RNPS1: variants seen among roughly 807,000 people sequenced by gnomAD.
RNPS1 encodes the protein RNA-binding protein with serine-rich domain 1.
For missense variants in RNPS1, 300 were observed against 427.6 expected (o/e 0.70, Z 2.63); for synonymous variants, 147 against 150.0 (o/e 0.98, Z 0.15).
At position 2,259,782 on chromosome 16, in the gene RNPS1, G is replaced by A. The variant is rs369895056; in HGVS notation, c.676+2496C>T. ...CCGGTGCCTGCAGTCCCAGCTACTCGAGAGGCTGAGGCAGGAGAATGGTGT... is the reference window on the plus strand; with the variant it reads ...CCGGTGCCTGCAGTCCCAGCTACTCAAGAGGCTGAGGCAGGAGAATGGTGT... On this transcript the variant is annotated intron_variant, in intron 6 of 7. Transcript: ENST00000320225. Among the ~76,000 whole-genome samples, 88 of 152,250 alleles carry A rather than the reference G, an allele frequency of 5.8e-4. 2 individuals are homozygous for A. The South Asian group carries it at 0.016, about 28-fold the overall frequency.
In RNPS1 at chr16:2,264,169, G is replaced by C. The variant is rs375342164; in HGVS notation, c.227+7C>G. The stretch of plus-strand genomic sequence containing the variant: ...TCCTCTCCAGGCTCCAGGCCAGCCC[G>C]CCCCACCTGGTACTGCTGCTACCAC... On this transcript the variant is annotated splice_region_variant and intron_variant, in intron 3 of 7. Transcript: ENST00000320225. 2 of 1,612,466 alleles carry C rather than the reference G, an allele frequency of 1.2e-6. No individual in the cohort carries two copies. Among genetic ancestry groups the C allele is most frequent in the Non-Finnish European group, 1.7e-6 (2 of 1,179,994 alleles).
intron 7 of RNPS1, among the ~76,000 whole-genome samples, chr16:2,254,576 C>A (rs774969092): frequency 1.3e-5 from 2 of 151,850 alleles, no homozygotes; most frequent in Non-Finnish European, 2.9e-5. Flanking sequence ...GGATTACAGG[C>A]GTGAGCCACC....
At chr16:2,266,035 G>T (rs959498077) in intron 1 of RNPS1, 7 of 835,982 alleles carry the variant, frequency 8.4e-6, no homozygotes, top group African/African-American at 3.7e-5. Context: ...AGTATTTCTA[G>T]TAAGGCTCTG....
chr16:2,267,582 C>G (rs903156208), intron 1 of RNPS1: 7 of 1,063,776 alleles, frequency 6.6e-6, no homozygotes, highest in African/African-American at 1.7e-5. Flanking sequence ...GACCTTCCAC[C>G]GCATCCCACA....
chr16:2,267,073 G>C (rs1445436550), intron 1 of RNPS1: 1 of 643,088 alleles, frequency 1.6e-6, no homozygotes, highest in Non-Finnish European at 1.9e-6. Context: ...AACACCACCA[G>C]TTATTCTTAA....
At chr16:2,260,934 T>C (rs921458974) in intron 6 of RNPS1, among the ~76,000 whole-genome samples, 2 of 152,074 alleles carry the variant, frequency 1.3e-5, no homozygotes, top group African/African-American at 4.8e-5. Context: ...ATCCAGACCA[T>C]CCTGGCTAAC....
rs1454068845 is a variant in RNPS1 at position 2,255,716 on chromosome 16, A to G, written c.687T>C (p.Asp229=). The change falls in exon 7 of 8, where the codon GAT becomes GAC. Residue 229 remains aspartate, a synonymous_variant. Transcript: ENST00000320225. The part of the protein sequence containing the change: ...ALKHMDGGQI[D]GQEITATAVL... Reference sequence around the variant, plus strand: ...CGGCGGTGGCAGTGATCTCCTGGCCATCAATTTGTCCTGTTGAAAAAGACA... The same window carrying G: ...CGGCGGTGGCAGTGATCTCCTGGCCGTCAATTTGTCCTGTTGAAAAAGACA... 1 of 1,613,838 alleles carries G rather than the reference A, an allele frequency of 6.2e-7. No homozygotes were observed. The highest frequency in any genetic ancestry group is 8.5e-7 in the Non-Finnish European group (1 of 1,179,998).
intron 7 of RNPS1, among the ~76,000 whole-genome samples, chr16:2,254,743 T>C (rs1454461382): frequency 2.1e-5 from 3 of 142,878 alleles, no homozygotes; most frequent in Middle Eastern, 3.5e-3. Flanking sequence ...GTTTTACCTT[T>C]TTTTTTTTTT....
At chr16:2,267,763 G>A (rs2093631120) in intron 1 of RNPS1, 6 of 1,334,532 alleles carry the variant, frequency 4.5e-6, no homozygotes, top group South Asian at 1.8e-5. Flanking sequence ...AAGGGCGGAG[G>A]CCGCGCTCCC....
chr16:2,262,614 C>A, intron 5 of RNPS1, 126 bp downstream of exon 5: 1 of 978,948 alleles, frequency 1.0e-6, no homozygotes, highest in South Asian at 1.5e-5. Context: ...AGGAACGAAT[C>A]AATGCTGTAC....
chr16:2,268,110 G>T lies in RNPS1; in HGVS notation c.-173C>A. The T allele has an allele frequency of 6.5e-7, 1 of 1,534,464 alleles. No individual in the cohort carries two copies. Among genetic ancestry groups the T allele is most frequent in the East Asian group, 2.4e-5 (1 of 40,852 alleles). On this transcript the variant is annotated 5_prime_UTR_variant, in exon 1 of 8. Coordinates refer to ENST00000320225, the MANE Select transcript of RNPS1 (RefSeq NM_080594.4). ...TTCCTCAGCCGCCGAGGCCGGCGCC[G>T]CTCTGACGTCAGAGTCAAGGAGCGG...
intron 2 of RNPS1, 55 bp from the exon 3 acceptor site, chr16:2,264,386 G>A (rs980628175): frequency 8.7e-6 from 14 of 1,610,804 alleles, no homozygotes; most frequent in Non-Finnish European, 1.1e-5. Context: ...AACCCAAACA[G>A]CACAACCCAA....
At chr16:2,263,730 A>G (rs896406565) in intron 3 of RNPS1, among the ~76,000 whole-genome samples, 3 of 152,062 alleles carry the variant, frequency 2.0e-5, no homozygotes, top group Non-Finnish European at 4.4e-5. Context: ...CTCCTGACTC[A>G]GCCTCCCGAG....
intron 6 of RNPS1, chr16:2,256,315 C>G (rs1189440966): frequency 6.5e-6 from 1 of 153,504 alleles, no homozygotes; most frequent in Non-Finnish European, 1.4e-5. Flanking sequence ...AATCCCAGTG[C>G]TCTGGGAAGC....
chr16:2,254,490 G>T (rs980911534), intron 7 of RNPS1, among the ~76,000 whole-genome samples: 13 of 151,974 alleles, frequency 8.6e-5, no homozygotes, highest in Non-Finnish European at 1.8e-4. Flanking sequence ...GTAGTGACGG[G>T]GTTTCACCGT....
intron 6 of RNPS1, chr16:2,256,469 AAT>A (rs1488848138): frequency 6.6e-6 from 1 of 152,474 alleles, no homozygotes; most frequent in Non-Finnish European, 1.5e-5. Flanking sequence ...GAGGCAAAAC[AAT>A]CTCTTGAACC....
chr16:2,259,300 G>A (rs769664790), intron 6 of RNPS1, among the ~76,000 whole-genome samples: 61 of 152,094 alleles, frequency 4.0e-4, no homozygotes, highest in Non-Finnish European at 7.6e-4. Context: ...CCAAAATCAC[G>A]TAAAACTCCT....
At chr16:2,267,943 G>A (rs1437463986) in intron 1 of RNPS1, 112 bp downstream of exon 1, 3 of 1,529,248 alleles carry the variant, frequency 2.0e-6, no homozygotes, top group Non-Finnish European at 2.6e-6. Context: ...CGCGCTGCCA[G>A]GCCACCGCCG....
intron 2 of RNPS1, 47 bp from the exon 3 acceptor site, chr16:2,264,378 C>T (rs752442843): frequency 6.2e-7 from 1 of 1,612,674 alleles, no homozygotes; most frequent in Admixed American, 1.7e-5. Flanking sequence ...TCTGACCAAA[C>T]CCAAACAGCA....
Sources: gnomAD v4.1 joint callset for allele counts (sites outside exome capture counted in the v4.1 genomes callset) on GRCh38, gnomAD v4.1.1 for gene constraint, MANE v1.5 for transcripts, NCBI Gene and HGNC (gene_info 2026-07-23, HGNC 2026-07-21) for gene names.